YJU2: variants seen among roughly 807,000 people sequenced by gnomAD.
The protein encoded by YJU2 is YJU2 splicing factor homolog, also known as splicing factor YJU2.
In YJU2, 28 loss-of-function variants were observed where a neutral mutation model predicts 39.6. The ratio of observed to expected loss-of-function variants is 0.71; its 90% CI spans 0.52 to 0.97. The LOEUF is 0.97. Ranked by LOEUF, YJU2 falls within the 50% of genes least tolerant of loss-of-function variation. The pLI is 0.00. For missense variants in YJU2, 328 were observed against 430.4 expected (o/e 0.76, Z 2.11); for synonymous variants, 184 against 182.4 (o/e 1.01, Z -0.07).
chr19:4,258,791 C>T (rs1012519727), intron 5 of YJU2, among the ~76,000 whole-genome samples: 5 of 152,198 alleles, frequency 3.3e-5, no homozygotes, highest in South Asian at 2.1e-4. Flanking sequence ...TCGAGAAAGG[C>T]GCCATCACTA....
intron 6 of YJU2, among the ~76,000 whole-genome samples, chr19:4,265,927 T>C (rs932599288): frequency 6.6e-6 from 1 of 150,884 alleles, no homozygotes; most frequent in Non-Finnish European, 1.5e-5. Context: ...CTTTTCCTCA[T>C]TTTGACATCA....
At chr19:4,250,521 A>T in intron 2 of YJU2, among the ~76,000 whole-genome samples, 1 of 152,046 alleles carries the variant, frequency 6.6e-6, no homozygotes. Flanking sequence ...CAGGCAAAAT[A>T]CTGGTGGCGC....
chr19:4,249,737 T>C (rs1477005702), intron 2 of YJU2, among the ~76,000 whole-genome samples: 1 of 151,688 alleles, frequency 6.6e-6, no homozygotes, highest in African/African-American at 2.4e-5. Flanking sequence ...GACAGAGTCT[T>C]GCCGTGTTGC....
Position 4,261,748 on chromosome 19 carries a change from G to A in YJU2, c.588-246G>A, listed in dbSNP as rs1273254621. Among the ~76,000 whole-genome samples, 3 of 152,046 alleles carry A rather than the reference G, an allele frequency of 2.0e-5. No individual in the cohort carries two copies. The East Asian group carries it at 5.8e-4, about 29-fold the overall frequency. ...GGAAGCTGAGTGGGGAGGATCGCTTGAGCCCAGGAGGTTGAGGTTGCAGTG... is the reference window on the plus strand; with the variant it reads ...GGAAGCTGAGTGGGGAGGATCGCTTAAGCCCAGGAGGTTGAGGTTGCAGTG... On this transcript the variant is annotated intron_variant, in intron 5 of 7. Coordinates refer to ENST00000262962, the MANE Select transcript of YJU2 (RefSeq NM_018074.6).
rs370939919 is a variant in YJU2, at chr19:4,261,493, GA to G, written c.588-491del. 9.7e-5 allele frequency among the ~76,000 whole-genome samples: 14 copies of G among 143,660 alleles called. No individual in the cohort carries two copies. In the East Asian group the frequency reaches 2.3e-3, roughly 23 times the overall value. The allele number at this position is 143,660 out of a possible 152,430, so 94.2% of individuals were successfully genotyped here. ...ACAACAAAGACTCCATCTCAAAAAA[GA>G]AAAAAAAAATACAAAAATTAGCCGG... On this transcript the variant is annotated intron_variant, in intron 5 of 7. Coordinates refer to ENST00000262962, the MANE Select transcript of YJU2 (RefSeq NM_018074.6).
In YJU2 at chr19:4,249,268, A is replaced by G. The variant is rs769928763; in HGVS notation, c.65A>G (p.Lys22Arg). The G allele has an allele frequency of 3.1e-6, 5 of 1,613,876 alleles. No individual in the cohort carries two copies. The highest frequency in any genetic ancestry group is 4.2e-6 in the Non-Finnish European group (5 of 1,179,878). The change falls in exon 2 of 8, where the codon AAA (lysine) becomes AGA (arginine). Residue 22 changes from lysine to arginine, a missense_variant. Physicochemically the swap from Lys to Arg is conservative, Grantham distance 26. Coordinates refer to ENST00000262962, the MANE Select transcript of YJU2 (RefSeq NM_018074.6). The part of the protein sequence containing the change: ...PPDFDPSKIP[K>R]LKLPKDRQYV... ...GACTTTGACCCATCAAAGATCCCCAAACTCAAGCTCCCCAAAGACCGGCAG... is the reference window on the plus strand; with the variant it reads ...GACTTTGACCCATCAAAGATCCCCAGACTCAAGCTCCCCAAAGACCGGCAG...
chr19:4,253,673 T>C (rs1015242438), intron 3 of YJU2, among the ~76,000 whole-genome samples: 3 of 152,218 alleles, frequency 2.0e-5, no homozygotes, highest in Non-Finnish European at 4.4e-5. Flanking sequence ...TTCCAGTGTG[T>C]AATTTAAGAT....
chr19:4,258,106 A>AG, intron 4 of YJU2, 136 bp from the exon 5 acceptor site: 1 of 1,289,496 alleles, frequency 7.8e-7, no homozygotes, highest in Non-Finnish European at 1.1e-6. Context: ...GGGCATGGGC[A>AG]GGGGGTTCCC....
intron 6 of YJU2, among the ~76,000 whole-genome samples, chr19:4,265,222 A>G (rs1157850688): frequency 6.6e-6 from 1 of 152,030 alleles, no homozygotes; most frequent in Admixed American, 6.6e-5. Flanking sequence ...AGGAAGGAAT[A>G]TCTCCACACT....
Position 4,251,120 on chromosome 19 carries a change from C to T in YJU2, c.219C>T (p.Ile73=), listed in dbSNP as rs560787707. The T allele has an allele frequency of 4.3e-6, 7 of 1,614,212 alleles. No individual in the cohort carries two copies. Among genetic ancestry groups the T allele is most frequent in the Non-Finnish European group, 5.9e-6 (7 of 1,180,034 alleles). The change falls in exon 3 of 8, where the codon ATC becomes ATT. Residue 73 remains isoleucine, a synonymous_variant. Transcript: ENST00000262962. The part of the protein sequence containing the change: ...VQNEVYLGLP[I]FRFYIKCTRC... ...ACGAGGTCTACCTGGGCCTGCCCAT[C>T]TTCCGCTTTTACATCAAGTGCACGC...
In YJU2 at chr19:4,249,359, A is replaced by T. The variant is rs755313199; in HGVS notation, c.125+31A>T. 1.1e-5 allele frequency: 16 copies of T among 1,453,850 alleles called. No homozygotes were observed. In the Admixed American group the frequency reaches 2.4e-4, roughly 22 times the overall value. The allele number at this position is 1,453,850 out of a possible 1,614,324, so 90.1% of individuals were successfully genotyped here. ...CACCCCCTGCGTGACCCCACACACC[A>T]GTCATGGCTGAAGGACGCAGTGCCT... On this transcript the variant is annotated intron_variant, in intron 2 of 7. Transcript: ENST00000262962.
At chr19:4,264,147 A>C (rs10406315) in intron 6 of YJU2, among the ~76,000 whole-genome samples, 5,055 of 148,812 alleles carry the variant, frequency 0.034, 292 homozygotes, top group African/African-American at 0.12. Flanking sequence ...CTGTAGTCCC[A>C]GCTACTCAGG....
intron 1 of YJU2, 192 bp downstream of exon 1, chr19:4,247,362 TCTCC>T: frequency 1.8e-6 from 1 of 568,718 alleles, no homozygotes; most frequent in South Asian, 2.1e-5. Context: ...CTTCGCTAAG[TCTCC>T]CTTCTGGGCT....
At chr19:4,251,541 T>C (rs1314779808) in intron 3 of YJU2, among the ~76,000 whole-genome samples, 1 of 151,888 alleles carries the variant, frequency 6.6e-6, no homozygotes, top group Non-Finnish European at 1.5e-5. Flanking sequence ...ATACAAAAAT[T>C]ACTGGGCATG....
chr19:4,247,203 G>A, intron 1 of YJU2, 33 bp downstream of exon 1: 1 of 1,600,706 alleles, frequency 6.2e-7, no homozygotes, highest in Non-Finnish European at 8.5e-7. Context: ...TTTTCAATCG[G>A]AGCAGGACAT....
chr19:4,258,489 C>T, intron 5 of YJU2, 66 bp downstream of exon 5: 5 of 1,514,880 alleles, frequency 3.3e-6, no homozygotes, highest in Non-Finnish European at 4.4e-6. Flanking sequence ...GCTGCCTCTG[C>T]CCCAGACCCT....
intron 6 of YJU2, among the ~76,000 whole-genome samples, chr19:4,266,792 G>A (rs1007024158): frequency 6.6e-6 from 1 of 152,102 alleles, no homozygotes; most frequent in Non-Finnish European, 1.5e-5. Flanking sequence ...ACCAGCCTGG[G>A]CAACATAGCG....
rs771887449 is a variant in YJU2, at chr19:4,262,086, G to A, written c.680G>A (p.Arg227Gln). Reference protein sequence around the residue: ...AAPSPLQPALRPNPTAILDEA... With the variant: ...AAPSPLQPALQPNPTAILDEA... ...CCCTCGCCCCTGCAGCCAGCCCTTCGGCCCAACCCCACCGCCATCCTGGAT... is the reference window on the plus strand; with the variant it reads ...CCCTCGCCCCTGCAGCCAGCCCTTCAGCCCAACCCCACCGCCATCCTGGAT... Residue 227 changes from arginine to glutamine, a missense_variant, in exon 6 of 8, where the codon CGG becomes CAG. Physicochemically the swap from Arg to Gln is conservative, Grantham distance 43. Coordinates refer to ENST00000262962, the MANE Select transcript of YJU2 (RefSeq NM_018074.6). The A allele has an allele frequency of 4.2e-5, 67 of 1,611,276 alleles. 1 individual carries two copies. In the Middle Eastern group the frequency reaches 4.9e-4, roughly 12 times the overall value.
At chr19:4,258,954 C>T (rs1275685713) in intron 5 of YJU2, among the ~76,000 whole-genome samples, 1 of 152,004 alleles carries the variant, frequency 6.6e-6, no homozygotes, top group Non-Finnish European at 1.5e-5. Context: ...CCCCAGAGCC[C>T]GTCCCATCCA....
Sources: gnomAD v4.1 joint callset for allele counts (sites outside exome capture counted in the v4.1 genomes callset) on GRCh38, gnomAD v4.1.1 for gene constraint, MANE v1.5 for transcripts, NCBI Gene and HGNC (gene_info 2026-07-23, HGNC 2026-07-21) for gene names.